EARS2: variants seen among roughly 807,000 people sequenced by gnomAD.
EARS2 encodes the protein nondiscriminating glutamyl-tRNA synthetase EARS2, mitochondrial.
In EARS2, 50 loss-of-function variants were observed where a neutral mutation model predicts 54.1. The observed-to-expected ratio is 0.92, with a 90% CI of 0.74 to 1.17. The LOEUF (loss-of-function observed/expected upper bound fraction) is 1.17. Among genes scored for constraint, EARS2 ranks in the 50% most tolerant of loss-of-function variants. EARS2 has a pLI of 0.00. For synonymous variants in EARS2, 298 were observed against 281.0 expected, an observed-to-expected ratio of 1.06 and a Z score of -0.61; for missense variants, 673 against 675.0, an observed-to-expected ratio of 1.00 and a Z score of 0.03.
At chr16:23,538,301 C>T (rs147582624) in intron 3 of EARS2, among the ~76,000 whole-genome samples, 190 of 152,088 alleles carry the variant, frequency 1.2e-3, no homozygotes, top group African/African-American at 4.3e-3. Flanking sequence ...GTGCACGCCA[C>T]CATGCCCAGC....
At chr16:23,548,930 G>A (rs988257786) in intron 2 of EARS2, among the ~76,000 whole-genome samples, 3 of 152,072 alleles carry the variant, frequency 2.0e-5, no homozygotes, top group Non-Finnish European at 4.4e-5. Flanking sequence ...CCTCACAGAT[G>A]GCTACCACTT....
In EARS2 at chr16:23,521,745, C is replaced by A. The variant is rs1406276251; in HGVS notation, c.*2626G>T. Reference sequence around the variant, plus strand: ...AGGTTCATCCATGTTGTAGATATACCAGAATCGACTTAGTATTTTGACCAC... The same window carrying A: ...AGGTTCATCCATGTTGTAGATATACAAGAATCGACTTAGTATTTTGACCAC... On this transcript the variant is annotated 3_prime_UTR_variant, in exon 9 of 9. Transcript: ENST00000449606. The A allele has an allele frequency of 2.2e-6, 1 of 449,836 alleles. No individual in the cohort carries two copies. Among genetic ancestry groups the A allele is most frequent in the Non-Finnish European group, 4.4e-6 (1 of 225,440 alleles). 27.9% of individuals were successfully genotyped at this position (449,836 alleles called of 1,614,324 possible).
At chr16:23,532,870 GA>G in intron 4 of EARS2, 105 bp from the exon 5 acceptor site, 1 of 722,632 alleles carries the variant, frequency 1.4e-6, no homozygotes, top group Non-Finnish European at 2.3e-6. Flanking sequence ...GCCCAGGTTG[GA>G]GTGCAATGGT....
intron 2 of EARS2, among the ~76,000 whole-genome samples, chr16:23,549,013 T>C (rs192300476): frequency 3.3e-5 from 5 of 152,316 alleles, no homozygotes; most frequent in African/African-American, 9.6e-5. Context: ...TTACTCACTC[T>C]ATGGTACCTG....
In EARS2 at chr16:23,552,252, A is replaced by C. The variant is rs756247100; in HGVS notation, c.192T>G (p.Ala64=). The change falls in exon 2 of 9, where the codon GCT becomes GCG. Residue 64 remains alanine, a synonymous_variant. Coordinates refer to ENST00000449606, the MANE Select transcript of EARS2 (RefSeq NM_001083614.2). The stretch of plus-strand genomic sequence containing the variant: ...GGATGAAGCTCCCCTGGTACTTCTT[A>C]GCAAAGATGTAGTTGTACAAGGCAG... ...LRTALYNYIF[A]KKYQGSFILR... is the part of the protein sequence containing the mutation. 6.8e-6 allele frequency: 11 copies of C among 1,614,074 alleles called. No homozygotes were observed. The Admixed American group carries it at 8.3e-5, about 12-fold the overall frequency.
chr16:23,538,137 T>G (rs1226834823), intron 3 of EARS2, among the ~76,000 whole-genome samples: 1 of 151,140 alleles, frequency 6.6e-6, no homozygotes, highest in Non-Finnish European at 1.5e-5. Context: ...CTGTAAAGTC[T>G]GAGCCATACA....
chr16:23,542,453 G>A (rs1965531443), intron 3 of EARS2, among the ~76,000 whole-genome samples: 1 of 147,656 alleles, frequency 6.8e-6, no homozygotes, highest in East Asian at 2.1e-4. Context: ...GAGCAGCTGG[G>A]ACTACATGCG....
intron 4 of EARS2, among the ~76,000 whole-genome samples, chr16:23,534,020 C>T (rs1197455045): frequency 6.7e-6 from 1 of 150,292 alleles, no homozygotes; most frequent in East Asian, 2.0e-4. Flanking sequence ...CGCGCCATTG[C>T]ACTCCAGAAT....
At chr16:23,528,202 T>G (rs1000162112) in intron 7 of EARS2, among the ~76,000 whole-genome samples, 8 of 152,238 alleles carry the variant, frequency 5.3e-5, no homozygotes, top group Non-Finnish European at 1.0e-4. Flanking sequence ...CACCAGTCTA[T>G]GTTATTTTGC....
At chr16:23,528,774 G>A (rs1965272377) in intron 7 of EARS2, among the ~76,000 whole-genome samples, 1 of 152,242 alleles carries the variant, frequency 6.6e-6, no homozygotes, top group Non-Finnish European at 1.5e-5. Flanking sequence ...GGTGGCTTGT[G>A]CCTGTAGTCC....
At chr16:23,545,725 G>A (rs1024185996) in intron 2 of EARS2, among the ~76,000 whole-genome samples, 1 of 152,180 alleles carries the variant, frequency 6.6e-6, no homozygotes, top group Non-Finnish European at 1.5e-5. Context: ...GTGCAGTGGT[G>A]TGATCATAGC....
chr16:23,552,919 C>T, intron 1 of EARS2: 1 of 205,946 alleles, frequency 4.9e-6, no homozygotes, highest in Non-Finnish European at 1.0e-5. Flanking sequence ...AGCCATTGTG[C>T]TTGGCCTGAG....
At chr16:23,538,962 T>C (rs1194889089) in intron 3 of EARS2, among the ~76,000 whole-genome samples, 3 of 145,844 alleles carry the variant, frequency 2.1e-5, no homozygotes, top group African/African-American at 7.6e-5. Flanking sequence ...TCAACAGTTA[T>C]GGCCCCCCTC....
intron 3 of EARS2, among the ~76,000 whole-genome samples, chr16:23,536,606 A>T (rs752431175): frequency 4.6e-5 from 7 of 151,976 alleles, no homozygotes; most frequent in Non-Finnish European, 1.0e-4. Context: ...AGGCTGCAGT[A>T]AACTATGATG....
chr16:23,552,994 G>A (rs1173188804), intron 1 of EARS2: 1 of 356,124 alleles, frequency 2.8e-6, no homozygotes, highest in Non-Finnish European at 5.6e-6. Flanking sequence ...AATTTAGCTG[G>A]GCATGGTGGT....
At chr16:23,528,817 G>A (rs896391256) in intron 7 of EARS2, among the ~76,000 whole-genome samples, 1 of 152,226 alleles carries the variant, frequency 6.6e-6, no homozygotes, top group Admixed American at 6.5e-5. Context: ...GGGAGGATGA[G>A]CCCTGAGCTG....
chr16:23,521,874 G>C lies in EARS2; in HGVS notation c.*2497C>G. The C allele has an allele frequency of 2.2e-6, 1 of 455,972 alleles. No individual in the cohort carries two copies. The highest frequency in any genetic ancestry group is 4.4e-6 in the Non-Finnish European group (1 of 226,740). 28.2% of individuals were successfully genotyped at this position (455,972 alleles called of 1,614,324 possible). ...CTCTGACAACACTCAGTAGATCAGAGTTAAGCTTGGACTCTGGATCGGCAC... is the reference window on the plus strand; with the variant it reads ...CTCTGACAACACTCAGTAGATCAGACTTAAGCTTGGACTCTGGATCGGCAC... On this transcript the variant is annotated 3_prime_UTR_variant, in exon 9 of 9. Transcript: ENST00000449606.
intron 3 of EARS2, among the ~76,000 whole-genome samples, chr16:23,540,584 G>A (rs1461951933): frequency 6.6e-6 from 1 of 152,218 alleles, no homozygotes; most frequent in East Asian, 1.9e-4. Flanking sequence ...AGTGCAAAAT[G>A]ACATATGTCA....
Position 23,521,831 on chromosome 16 carries a change from A to G in EARS2, c.*2540T>C. On this transcript the variant is annotated 3_prime_UTR_variant, in exon 9 of 9. Transcript: ENST00000449606. ...AAGAAGCTCCTTTTAACCATTCTTA[A>G]TGTCTTAGAAACAGATGCTCTGACA... 2.2e-6 allele frequency: 1 copy of G among 455,834 alleles called. No homozygotes were observed. The highest frequency in any genetic ancestry group is 1.5e-5 in the South Asian group (1 of 64,562). 28.2% of individuals were successfully genotyped at this position (455,834 alleles called of 1,614,324 possible).
Sources: gnomAD v4.1 joint callset for allele counts (sites outside exome capture counted in the v4.1 genomes callset) on GRCh38, gnomAD v4.1.1 for gene constraint, MANE v1.5 for transcripts, NCBI Gene and HGNC (gene_info 2026-07-23, HGNC 2026-07-21) for gene names.